Variants in PTPN12 observed in about 807,000 individuals in gnomAD.
The protein encoded by PTPN12 is tyrosine-protein phosphatase non-receptor type 12.
In PTPN12, 29 loss-of-function variants were observed where a neutral mutation model predicts 97.6. The ratio of observed to expected loss-of-function variants is 0.30; its 90% CI spans 0.22 to 0.41. The LOEUF (loss-of-function observed/expected upper bound fraction) is 0.41. Ranked by LOEUF, PTPN12 falls within the 10% of genes least tolerant of loss-of-function variation. PTPN12 has a pLI of 1.00. For missense variants in PTPN12, 819 were observed against 926.0 expected, an observed-to-expected ratio of 0.88 and a Z score of 1.50; for synonymous variants, 327 against 300.4, an observed-to-expected ratio of 1.09 and a Z score of -0.91.
At chr7:77,619,401 C>G (rs181824283) in intron 12 of PTPN12, among the ~76,000 whole-genome samples, 22 of 152,196 alleles carry the variant, frequency 1.4e-4, no homozygotes, top group Admixed American at 9.8e-4. Context: ...ATCATTCTAA[C>G]GAAATCATCT....
intron 14 of PTPN12, among the ~76,000 whole-genome samples, chr7:77,634,247 G>A (rs1265001224): frequency 1.3e-5 from 2 of 151,978 alleles, no homozygotes; most frequent in Non-Finnish European, 2.9e-5. Flanking sequence ...AGAAAGTGAT[G>A]ATACTTTAAA....
intron 9 of PTPN12, among the ~76,000 whole-genome samples, chr7:77,608,469 T>C (rs1368062590): frequency 6.6e-6 from 1 of 152,210 alleles, no homozygotes; most frequent in Non-Finnish European, 1.5e-5. Context: ...TCATTATAGA[T>C]TTGAAAAACA....
chr7:77,637,720 C>A (rs2151413626), intron 16 of PTPN12, among the ~76,000 whole-genome samples: 1 of 151,430 alleles, frequency 6.6e-6, no homozygotes, highest in East Asian at 2.0e-4. Context: ...AGCTAGGCGT[C>A]ATGCCATCTG....
At chr7:77,626,677 A>T in intron 12 of PTPN12, 28 bp from the exon 13 acceptor site, 1 of 1,564,784 alleles carries the variant, frequency 6.4e-7, no homozygotes, top group Non-Finnish European at 8.7e-7. Flanking sequence ...CAGTCTTAAA[A>T]TGCCCTTTTT....
chr7:77,623,332 T>G (rs1211237691), intron 12 of PTPN12, among the ~76,000 whole-genome samples: 2 of 152,250 alleles, frequency 1.3e-5, no homozygotes, highest in Non-Finnish European at 2.9e-5. Context: ...GTTCAGATGT[T>G]AACTCATTTA....
intron 5 of PTPN12, among the ~76,000 whole-genome samples, chr7:77,587,347 T>C (rs1787723186): frequency 6.6e-6 from 1 of 152,016 alleles, no homozygotes; most frequent in Non-Finnish European, 1.5e-5. Context: ...AGCTTTTGGG[T>C]GACCAGGTGC....
At chr7:77,590,914 G>A (rs1022475838) in intron 5 of PTPN12, among the ~76,000 whole-genome samples, 2 of 152,014 alleles carry the variant, frequency 1.3e-5, no homozygotes, top group Non-Finnish European at 2.9e-5. Flanking sequence ...GCACACGCCT[G>A]TGGTCCCAGC....
intron 16 of PTPN12, among the ~76,000 whole-genome samples, chr7:77,637,872 A>C (rs1272571197): frequency 6.6e-6 from 1 of 150,960 alleles, no homozygotes; most frequent in East Asian, 2.0e-4. Flanking sequence ...AAAAAAAAAA[A>C]AAAACAAGTA....
chr7:77,626,988 G>A lies in PTPN12; in HGVS notation c.1309G>A (p.Glu437Lys). The A allele has an allele frequency of 6.2e-7, 1 of 1,609,710 alleles. No individual in the cohort carries two copies. Among genetic ancestry groups the A allele is most frequent in the Middle Eastern group, 1.7e-4 (1 of 6,018 alleles). The part of the protein sequence containing the change: ...DKKLERNLSF[E>K]IKKVPLQEGP... The stretch of plus-strand genomic sequence containing the variant: ...AAAATTGGAACGAAATTTAAGTTTT[G>A]AGATTAAGAAGGTCCCTCTCCAAGA... Residue 437 changes from glutamate (E) to lysine (K), a missense_variant, in exon 13 of 18, where the codon GAG becomes AAG. Around this residue, in one of 5 missense-constraint regions of PTPN12, gnomAD observed 607 missense variants for 577.3 expected, o/e 1.05. Coordinates refer to ENST00000248594, the MANE Select transcript of PTPN12 (RefSeq NM_002835.4).
At chr7:77,620,760 C>G (rs1308633451) in intron 12 of PTPN12, among the ~76,000 whole-genome samples, 1 of 151,138 alleles carries the variant, frequency 6.6e-6, no homozygotes, top group African/African-American at 2.4e-5. Flanking sequence ...CCAGCCTGAT[C>G]AATATGGTGA....
intron 1 of PTPN12, chr7:77,537,978 C>CG (rs34251983): frequency 0.25 from 187,464 of 757,222 alleles, 5,594 homozygotes; most frequent in Admixed American, 0.26. Context: ...AGGTGCAGGC[C>CG]GGGGGGGGGG....
At position 77,637,782 on chromosome 7, in the gene PTPN12, C is replaced by T. The variant is rs558166157; in HGVS notation, c.2173+734C>T. Among the ~76,000 whole-genome samples, 220 of 140,592 alleles carry T rather than the reference C, an allele frequency of 1.6e-3. 1 individual carries two copies. The highest frequency in any genetic ancestry group is 5.1e-3 in the African/African-American group (192 of 37,438). The allele number at this position is 140,592 out of a possible 152,430, so 92.2% of individuals were successfully genotyped here. ...TGAGGCAGGAGAATCCCTTGAACCC[C>T]GGAGGCAGAGGTTGCAGTGCGCCGA... On this transcript the variant is annotated intron_variant, in intron 16 of 17. Coordinates refer to ENST00000248594, the MANE Select transcript of PTPN12 (RefSeq NM_002835.4).
intron 6 of PTPN12, among the ~76,000 whole-genome samples, chr7:77,594,155 T>G (rs1787949988): frequency 1.3e-5 from 2 of 152,198 alleles, no homozygotes; most frequent in African/African-American, 4.8e-5. Context: ...ATTAACTATT[T>G]GTGGGGTAAA....
In PTPN12 at chr7:77,627,430, A is replaced by G. The variant is rs1562761393; in HGVS notation, c.1751A>G (p.His584Arg). ...TQVETPDLVD[H>R]DNTSPLFRTP... ...GTTGAAACACCTGATCTTGTGGATCATGATAACACTTCACCACTCTTCAGA... is the reference window on the plus strand; with the variant it reads ...GTTGAAACACCTGATCTTGTGGATCGTGATAACACTTCACCACTCTTCAGA... Residue 584 changes from histidine (H) to arginine (R), a missense_variant, in exon 13 of 18, where the codon CAT becomes CGT. Coordinates refer to ENST00000248594, the MANE Select transcript of PTPN12 (RefSeq NM_002835.4). The G allele has an allele frequency of 5.0e-6, 8 of 1,614,160 alleles. No homozygotes were observed. The highest frequency in any genetic ancestry group is 6.8e-6 in the Non-Finnish European group (8 of 1,179,996).
At chr7:77,585,607 A>G in intron 5 of PTPN12, 26 bp downstream of exon 5, 1 of 1,559,970 alleles carries the variant, frequency 6.4e-7, no homozygotes, top group Non-Finnish European at 8.8e-7. Context: ...TCCTCTTACT[A>G]TTTCATTTTT....
intron 1 of PTPN12, among the ~76,000 whole-genome samples, chr7:77,552,892 TAGTA>T (rs1807543069): frequency 6.6e-6 from 1 of 152,164 alleles, no homozygotes. Flanking sequence ...ATGTTTGAAT[TAGTA>T]AGAATAAAGG....
intron 8 of PTPN12, among the ~76,000 whole-genome samples, chr7:77,603,446 A>C (rs1443387214): frequency 6.6e-6 from 1 of 152,198 alleles, no homozygotes; most frequent in Non-Finnish European, 1.5e-5. Context: ...AAAACTCGAG[A>C]ATGTGTCCTT....
chr7:77,581,551 C>A, intron 3 of PTPN12, 48 bp downstream of exon 3: 1 of 1,200,468 alleles, frequency 8.3e-7, no homozygotes, highest in Non-Finnish European at 1.2e-6. Context: ...TAATGTCTTT[C>A]TACATACTAG....
At chr7:77,590,406 C>G (rs1439582901) in intron 5 of PTPN12, among the ~76,000 whole-genome samples, 1 of 152,016 alleles carries the variant, frequency 6.6e-6, no homozygotes, top group African/African-American at 2.4e-5. Context: ...TTTTTAAACT[C>G]TCAAAAATAA....
Sources: allele counts gnomAD v4.1 joint callset (sites outside exome capture counted in the v4.1 genomes callset), GRCh38; gene constraint gnomAD v4.1.1; regional missense constraint gnomAD v4.1.1; transcripts MANE v1.5; gene names NCBI Gene and HGNC (gene_info 2026-07-23, HGNC 2026-07-21).